The following CSMD2 variants were observed in gnomAD, a reference collection of about 807,000 sequenced individuals.
CSMD2 encodes the protein CUB and Sushi multiple domains 2, also known as CUB and sushi domain-containing protein 2.
CSMD2 carries 130 observed loss-of-function variants against 398.5 expected under a neutral mutation model. The ratio of observed to expected loss-of-function variants is 0.33; its 90% CI spans 0.28 to 0.38. The LOEUF is 0.38. Among genes scored for constraint, CSMD2 ranks in the 10% least tolerant of loss-of-function variants. The probability of loss-of-function intolerance (pLI) is 1.00; values close to 1 mark genes in which losing one functional copy is unlikely to be tolerated. For synonymous variants in CSMD2, 1,828 were observed against 1,908.5 expected, an observed-to-expected ratio of 0.96 and a Z score of 1.10; for missense variants, 3,829 against 4,764.9, an observed-to-expected ratio of 0.80 and a Z score of 5.78.
chr1:33,639,276 A>G (rs1642977493), intron 29 of CSMD2, among the ~76,000 whole-genome samples: 1 of 152,178 alleles, frequency 6.6e-6, no homozygotes, highest in South Asian at 2.1e-4. Context: ...GATTTCTTTT[A>G]TAGGAAGTCT....
At chr1:33,581,402 G>A (rs1022257188) in intron 47 of CSMD2, among the ~76,000 whole-genome samples, 1 of 147,924 alleles carries the variant, frequency 6.8e-6, no homozygotes, top group African/African-American at 2.5e-5. Flanking sequence ...ATCTGGTCAT[G>A]GTGGTGCATG....
intron 1 of CSMD2, among the ~76,000 whole-genome samples, chr1:34,123,026 T>C (rs1419869485): frequency 1.3e-5 from 2 of 152,128 alleles, no homozygotes; most frequent in Non-Finnish European, 2.9e-5. Context: ...CAGCCTGAGG[T>C]TAAGTGGTGC....
chr1:33,803,390 T>A (rs572714710), intron 10 of CSMD2, among the ~76,000 whole-genome samples: 2 of 152,348 alleles, frequency 1.3e-5, no homozygotes, highest in South Asian at 4.1e-4. Flanking sequence ...CCAAATGACA[T>A]TGAATGAACC....
At chr1:33,583,512 T>A in intron 47 of CSMD2, 130 bp downstream of exon 47, 1 of 881,062 alleles carries the variant, frequency 1.1e-6, no homozygotes, top group Non-Finnish European at 1.8e-6. Context: ...GGGGTTGCTG[T>A]GGTAGGGAAG....
intron 13 of CSMD2, among the ~76,000 whole-genome samples, chr1:33,768,410 G>A (rs1227354934): frequency 6.6e-6 from 1 of 152,074 alleles, no homozygotes; most frequent in Non-Finnish European, 1.5e-5. Context: ...CACACAAAAA[G>A]AATTATCTAG....
At chr1:33,609,319 C>T (rs968489489) in intron 41 of CSMD2, among the ~76,000 whole-genome samples, 5 of 152,238 alleles carry the variant, frequency 3.3e-5, no homozygotes, top group African/African-American at 4.8e-5. Context: ...CCCAGTACCC[C>T]CTCAGTATTC....
intron 3 of CSMD2, among the ~76,000 whole-genome samples, chr1:34,014,295 G>C (rs1647774314): frequency 6.6e-6 from 1 of 152,240 alleles, no homozygotes; most frequent in Non-Finnish European, 1.5e-5. Context: ...GACCAGGTCA[G>C]CTTCTGCTCA....
chr1:33,868,569 C>G (rs1039302152), intron 5 of CSMD2, among the ~76,000 whole-genome samples: 1 of 152,064 alleles, frequency 6.6e-6, no homozygotes, highest in African/African-American at 2.4e-5. Context: ...AACCCCATGT[C>G]TACTAAAAAT....
At chr1:33,750,954 A>G (rs1204008153) in intron 13 of CSMD2, among the ~76,000 whole-genome samples, 3 of 152,228 alleles carry the variant, frequency 2.0e-5, no homozygotes, top group African/African-American at 4.8e-5. Flanking sequence ...AAAAATCACC[A>G]TAAACAAAAG....
At chr1:33,745,281 T>C (rs1441520) in intron 13 of CSMD2, among the ~76,000 whole-genome samples, 8,820 of 152,276 alleles carry the variant, frequency 0.058, 345 homozygotes, top group Admixed American at 0.11. Context: ...ATCAGGGTCG[T>C]AGGCGTTCAA....
Position 33,658,167 on chromosome 1 carries a change from G to A in CSMD2, c.4256-30C>T, listed in dbSNP as rs1435480130. ...GGCAAGGAAATAGAAGAGAGGGTAA[G>A]GTCGCCTGGGTGTCTGCCACTCAGG... is the stretch of plus-strand genomic sequence containing the variant. On this transcript the variant is annotated intron_variant, in intron 26 of 70. Transcript: ENST00000373381. 3 of 1,589,620 alleles carry A rather than the reference G, an allele frequency of 1.9e-6. No homozygotes were observed. The African/African-American group carries it at 4.0e-5, about 21-fold the overall frequency.
At chr1:33,751,736 A>G (rs576653241) in intron 13 of CSMD2, among the ~76,000 whole-genome samples, 14 of 152,154 alleles carry the variant, frequency 9.2e-5, no homozygotes, top group African/African-American at 3.1e-4. Context: ...CTCCTGTGTC[A>G]GCCTCCTGAG....
intron 5 of CSMD2, among the ~76,000 whole-genome samples, chr1:33,907,738 G>A (rs150969819): frequency 5.3e-5 from 8 of 152,244 alleles, no homozygotes; most frequent in Admixed American, 3.3e-4. Flanking sequence ...CCATTTCATC[G>A]GACTGTCATT....
At chr1:33,972,347 C>A (rs1302129505) in intron 3 of CSMD2, among the ~76,000 whole-genome samples, 1 of 152,170 alleles carries the variant, frequency 6.6e-6, no homozygotes, top group Admixed American at 6.5e-5. Flanking sequence ...TAGATTCAAC[C>A]ACACTGTGGC....
rs1011832212 is a variant in CSMD2, at chr1:34,135,256, A to T, written c.187+29655T>A. 1.6e-3 allele frequency among the ~76,000 whole-genome samples: 230 copies of T among 145,686 alleles called. 1 individual carries two copies. Among genetic ancestry groups the T allele is most frequent in the African/African-American group, 5.9e-3 (212 of 35,772 alleles). On this transcript the variant is annotated intron_variant, in intron 1 of 70. Coordinates refer to ENST00000373381, the MANE Select transcript of CSMD2 (RefSeq NM_001281956.2). ...TCATGTTGAAATCACACACACACAC[A>T]CACACACACACACACACACACACAC...
At chr1:34,009,217 G>A (rs908388266) in intron 3 of CSMD2, among the ~76,000 whole-genome samples, 9 of 151,904 alleles carry the variant, frequency 5.9e-5, no homozygotes, top group African/African-American at 2.2e-4. Context: ...GAAAAACAAA[G>A]CCAAACAAAC....
chr1:33,682,872 T>C (rs1219747722), intron 25 of CSMD2, among the ~76,000 whole-genome samples: 1 of 152,172 alleles, frequency 6.6e-6, no homozygotes, highest in Non-Finnish European at 1.5e-5. Flanking sequence ...TGTATCTAAT[T>C]TATTTTTTCC....
intron 48 of CSMD2, among the ~76,000 whole-genome samples, chr1:33,578,830 T>C (rs1018919701): frequency 1.3e-5 from 2 of 152,154 alleles, no homozygotes; most frequent in Non-Finnish European, 2.9e-5. Flanking sequence ...GCCTCTTTCT[T>C]GGTGATCATA....
chr1:33,763,806 T>C (rs1400631772), intron 13 of CSMD2, among the ~76,000 whole-genome samples: 2 of 152,170 alleles, frequency 1.3e-5, no homozygotes. Flanking sequence ...GAGATGTGTG[T>C]GGCTGCACAG....
Sources: gnomAD v4.1 joint callset for allele counts (sites outside exome capture counted in the v4.1 genomes callset) on GRCh38, gnomAD v4.1.1 for gene constraint, MANE v1.5 for transcripts, NCBI Gene and HGNC (gene_info 2026-07-23, HGNC 2026-07-21) for gene names.